The following PTPRG variants were observed in gnomAD, a reference collection of about 807,000 sequenced individuals.
PTPRG encodes protein tyrosine phosphatase receptor type G.
Under a neutral mutation model 165.3 loss-of-function variants are expected in PTPRG, and 102 were observed. The ratio of observed to expected loss-of-function variants is 0.62; its 90% CI spans 0.53 to 0.73. PTPRG has a LOEUF of 0.73. Ranked by LOEUF, PTPRG falls within the 30% of genes least tolerant of loss-of-function variation. The pLI is 0.00. For synonymous variants in PTPRG, 675 were observed against 669.5 expected (o/e 1.01, Z -0.13); for missense variants, 1,866 against 1,861.4 (o/e 1.00, Z -0.05).
intron 4 of PTPRG, among the ~76,000 whole-genome samples, chr3:62,033,622 C>G (rs1439887502): frequency 6.6e-6 from 1 of 151,110 alleles, no homozygotes; most frequent in Non-Finnish European, 1.5e-5. Context: ...GCCTTGGCCT[C>G]CCAAAATGTT....
At chr3:61,637,694 G>A (rs1021716680) in intron 1 of PTPRG, among the ~76,000 whole-genome samples, 2 of 152,106 alleles carry the variant, frequency 1.3e-5, no homozygotes, top group East Asian at 1.9e-4. Context: ...TTGCTTCCAC[G>A]CCTCTGTCCT....
At chr3:62,060,185 C>T (rs1446417947) in intron 4 of PTPRG, among the ~76,000 whole-genome samples, 1 of 145,032 alleles carries the variant, frequency 6.9e-6, no homozygotes, top group Non-Finnish European at 1.5e-5. Flanking sequence ...GCACTCTAGC[C>T]TGAGCAACAG....
At chr3:61,673,836 G>C (rs1358013900) in intron 1 of PTPRG, among the ~76,000 whole-genome samples, 1 of 152,138 alleles carries the variant, frequency 6.6e-6, no homozygotes, top group Non-Finnish European at 1.5e-5. Flanking sequence ...GATGTGGTAG[G>C]AAATAGAAAC....
intron 2 of PTPRG, among the ~76,000 whole-genome samples, chr3:61,823,231 C>T (rs1280100455): frequency 3.3e-5 from 5 of 152,148 alleles, no homozygotes; most frequent in African/African-American, 1.2e-4. Flanking sequence ...TGTTCTGTCG[C>T]CCAGGCTAGA....
At chr3:61,648,829 T>G (rs1702273818) in intron 1 of PTPRG, among the ~76,000 whole-genome samples, 1 of 152,202 alleles carries the variant, frequency 6.6e-6, no homozygotes, top group Non-Finnish European at 1.5e-5. Context: ...AGAAAAGTAA[T>G]GAGGGTTGGG....
At chr3:62,025,197 G>C (rs1397046401) in intron 4 of PTPRG, among the ~76,000 whole-genome samples, 1 of 152,164 alleles carries the variant, frequency 6.6e-6, no homozygotes, top group Non-Finnish European at 1.5e-5. Flanking sequence ...ACCCACCTCA[G>C]TGCTTAAGAA....
At chr3:61,827,201 G>A (rs2036139578) in intron 2 of PTPRG, among the ~76,000 whole-genome samples, 1 of 152,256 alleles carries the variant, frequency 6.6e-6, no homozygotes, top group South Asian at 2.1e-4. Flanking sequence ...AGTCCCCTAA[G>A]TGGTGCATTT....
intron 1 of PTPRG, among the ~76,000 whole-genome samples, chr3:61,727,914 T>C (rs1171483376): frequency 6.6e-6 from 1 of 152,244 alleles, no homozygotes; most frequent in Non-Finnish European, 1.5e-5. Flanking sequence ...ACAGTTTTGC[T>C]TTGGTCTGGT....
chr3:61,577,532 A>G (rs1414584407), intron 1 of PTPRG, among the ~76,000 whole-genome samples: 1 of 152,254 alleles, frequency 6.6e-6, no homozygotes, highest in African/African-American at 2.4e-5. Flanking sequence ...ATCTCATTAA[A>G]ACTTTTCATT....
In PTPRG at chr3:62,237,664, C is replaced by T. The variant is rs1701063860; in HGVS notation, c.2376-6143C>T. 1.3e-5 allele frequency among the ~76,000 whole-genome samples: 2 copies of T among 152,160 alleles called. No individual in the cohort carries two copies. Among genetic ancestry groups the T allele is most frequent in the South Asian group, 4.1e-4 (2 of 4,822 alleles). The stretch of plus-strand genomic sequence containing the variant: ...CATGGAAGGTTATTTTTAGAAATTT[C>T]AGTCCAAGAGAAAATATTCCTAATC... On this transcript the variant is annotated intron_variant, in intron 14 of 29. Coordinates refer to ENST00000474889, the MANE Select transcript of PTPRG (RefSeq NM_002841.4). The surrounding 1 kb of genome is among the most constrained non-coding windows in gnomAD (Gnocchi z 4.5).
At chr3:61,894,587 C>A (rs778225125) in intron 2 of PTPRG, among the ~76,000 whole-genome samples, 1 of 151,930 alleles carries the variant, frequency 6.6e-6, no homozygotes, top group Non-Finnish European at 1.5e-5. Flanking sequence ...CATTAATTCC[C>A]CTTTACAGAT....
chr3:62,288,053 C>CAAAAT, intron 28 of PTPRG, among the ~76,000 whole-genome samples: 1 of 149,252 alleles, frequency 6.7e-6, no homozygotes, highest in East Asian at 2.0e-4. Flanking sequence ...AAGATGTAAC[C>CAAAAT]AAAATAAGTA....
chr3:61,688,714 C>G (rs991955409), intron 1 of PTPRG, among the ~76,000 whole-genome samples: 1 of 152,182 alleles, frequency 6.6e-6, no homozygotes, highest in African/African-American at 2.4e-5. Context: ...TAGTCAGTAC[C>G]CTTGTCAGCT....
chr3:62,238,593 C>T (rs1356743396), intron 14 of PTPRG, among the ~76,000 whole-genome samples: 1 of 152,122 alleles, frequency 6.6e-6, no homozygotes, highest in Non-Finnish European at 1.5e-5. Context: ...ACAGTACATA[C>T]CAGAATCCCT....
At chr3:61,684,809 T>A (rs1254081768) in intron 1 of PTPRG, among the ~76,000 whole-genome samples, 2 of 152,236 alleles carry the variant, frequency 1.3e-5, no homozygotes, top group African/African-American at 4.8e-5. Flanking sequence ...TACAGTTGAC[T>A]GGGAAAGGCT....
At chr3:62,248,020 CTTT>C (rs5849470) in intron 15 of PTPRG, among the ~76,000 whole-genome samples, 1 of 150,652 alleles carries the variant, frequency 6.6e-6, no homozygotes, top group Non-Finnish European at 1.5e-5. Flanking sequence ...AGAACGAAGA[CTTT>C]TTTTTTTCCC....
chr3:62,217,117 G>A lies in PTPRG; in HGVS notation c.2156-1734G>A, dbSNP rs1050551208. On this transcript the variant is annotated intron_variant, in intron 12 of 29. Transcript: ENST00000474889. The surrounding 1 kb of genome is among the most constrained non-coding windows in gnomAD (Gnocchi z 4.3). ...TGTACTGATGTGTCCCCATCCCCTC[G>A]CACCAGGCCTGTGCACAGTAGGGGC... Among the ~76,000 whole-genome samples, 2 of 152,182 alleles carry A rather than the reference G, an allele frequency of 1.3e-5. No homozygotes were observed. Among genetic ancestry groups the A allele is most frequent in the South Asian group, 4.2e-4 (2 of 4,818 alleles).
At chr3:61,580,712 A>G (rs899909621) in intron 1 of PTPRG, among the ~76,000 whole-genome samples, 5 of 152,214 alleles carry the variant, frequency 3.3e-5, no homozygotes, top group African/African-American at 9.7e-5. Context: ...AAAGTAAGGG[A>G]AAAAAACCTA....
At chr3:61,882,272 G>GT (rs1436321335) in intron 2 of PTPRG, among the ~76,000 whole-genome samples, 11 of 152,160 alleles carry the variant, frequency 7.2e-5, no homozygotes, top group African/African-American at 2.7e-4. Flanking sequence ...TTGGGAAGTT[G>GT]TTTCCTCTGA....
Sources: gnomAD v4.1 joint callset for allele counts (sites outside exome capture counted in the v4.1 genomes callset) on GRCh38, gnomAD v4.1.1 for gene constraint, Gnocchi (gnomAD v3.1) non-coding constraint, MANE v1.5 for transcripts, NCBI Gene and HGNC (gene_info 2026-07-23, HGNC 2026-07-21) for gene names.